Variants in CFAP96 observed in about 807,000 individuals in gnomAD.
CFAP96 encodes cilia and flagella associated protein 96, also known as cilia-and flagella-associated protein 96.
chr4:185,435,417 A>G, the CFAP96 span, among the ~76,000 whole-genome samples: 1 of 152,230 alleles, frequency 6.6e-6, no homozygotes, highest in Non-Finnish European at 1.5e-5. Context: ...CTTAAGAATT[A>G]GAGACTATGA....
the CFAP96 span, among the ~76,000 whole-genome samples, chr4:185,409,630 G>A: frequency 5.3e-5 from 8 of 152,200 alleles, no homozygotes; most frequent in Admixed American, 4.6e-4. Flanking sequence ...GTGACAGGCT[G>A]AAAAGTGGCT....
chr4:185,434,514 C>A, the CFAP96 span, among the ~76,000 whole-genome samples: 1 of 152,072 alleles, frequency 6.6e-6, no homozygotes, highest in Non-Finnish European at 1.5e-5. Context: ...TACCTTGATA[C>A]ATTAGTTTAT....
At chr4:185,439,747 CATATCTCATATATACATATATGTATCT>C in the CFAP96 span, among the ~76,000 whole-genome samples, 1 of 148,276 alleles carries the variant, frequency 6.7e-6, no homozygotes, top group Non-Finnish European at 1.5e-5. Context: ...ATAATATATA[CATATCTCATATATACATATATGTATCT>C]ATATCTCATA....
the CFAP96 span, among the ~76,000 whole-genome samples, chr4:185,423,607 T>C: frequency 1.3e-5 from 2 of 152,196 alleles, no homozygotes; most frequent in Non-Finnish European, 1.5e-5. Context: ...AATCATGTTT[T>C]TGCTGAAAAT....
the CFAP96 span, chr4:185,445,118 T>G: frequency 3.2e-6 from 5 of 1,551,406 alleles, no homozygotes; most frequent in Non-Finnish European, 4.4e-6. Flanking sequence ...ATAATGACTT[T>G]GAATGTCAGA....
the CFAP96 span, among the ~76,000 whole-genome samples, chr4:185,416,600 CGT>C: frequency 0.051 from 7,805 of 152,070 alleles, 246 homozygotes; most frequent in South Asian, 0.088. Flanking sequence ...TAAAAATGAA[CGT>C]GTTATGTGTG....
At chr4:185,437,012 C>G in the CFAP96 span, among the ~76,000 whole-genome samples, 1 of 152,090 alleles carries the variant, frequency 6.6e-6, no homozygotes, top group Non-Finnish European at 1.5e-5. Flanking sequence ...TATCCTGACC[C>G]TTAGCCATAT....
At chr4:185,428,577 CAACAACA>C in the CFAP96 span, among the ~76,000 whole-genome samples, 23 of 6,086 alleles carry the variant, frequency 3.8e-3, no homozygotes, top group South Asian at 0.024. Flanking sequence ...AAAACAACAA[CAACAACA>C]AAAAAAAAAG....
the CFAP96 span, chr4:185,426,250 G>A: frequency 3.5e-5 from 8 of 228,378 alleles, no homozygotes; most frequent in Non-Finnish European, 6.2e-5. Flanking sequence ...GTGGTGGAAC[G>A]TGCAGAGGCG....
chr4:185,448,166 G>A, the CFAP96 span, among the ~76,000 whole-genome samples: 10 of 152,006 alleles, frequency 6.6e-5, no homozygotes, highest in South Asian at 2.1e-4. Flanking sequence ...TATTACAGGC[G>A]CCCACCACCA....
the CFAP96 span, chr4:185,425,776 A>T: frequency 1.3e-6 from 2 of 1,547,692 alleles, no homozygotes; most frequent in Admixed American, 3.9e-5. Context: ...CGGCAGGACC[A>T]GCTCCTTTCA....
At chr4:185,442,289 C>T in the CFAP96 span, among the ~76,000 whole-genome samples, 1 of 151,990 alleles carries the variant, frequency 6.6e-6, no homozygotes, top group Non-Finnish European at 1.5e-5. Flanking sequence ...GATATATTAA[C>T]ATATTTATAA....
At chr4:185,436,264 T>C in the CFAP96 span, 1 of 1,548,598 alleles carries the variant, frequency 6.5e-7, no homozygotes, top group African/African-American at 1.4e-5. Context: ...AAGTCACCAT[T>C]ACTTACTTTG....
chr4:185,444,966 T>C, the CFAP96 span: 1 of 1,547,808 alleles, frequency 6.5e-7, no homozygotes, highest in Non-Finnish European at 8.7e-7. Context: ...CTTCGCAGCC[T>C]GGTGGAATGA....
the CFAP96 span, among the ~76,000 whole-genome samples, chr4:185,440,074 A>G: frequency 5.4e-4 from 82 of 150,554 alleles, no homozygotes; most frequent in African/African-American, 2.0e-3. Context: ...TCTCATATAT[A>G]CATATAAAAT....
the CFAP96 span, among the ~76,000 whole-genome samples, chr4:185,444,144 G>A: frequency 1.3e-5 from 2 of 149,250 alleles, no homozygotes; most frequent in South Asian, 2.2e-4. Flanking sequence ...TAGTAGAGAC[G>A]GGGTTTCACC....
At chr4:185,438,421 T>C in the CFAP96 span, among the ~76,000 whole-genome samples, 1 of 152,208 alleles carries the variant, frequency 6.6e-6, no homozygotes, top group South Asian at 2.1e-4. Context: ...TTTTGCTCTC[T>C]AGAAGTTTGA....
chr4:185,436,507 C>T, the CFAP96 span: 11 of 544,592 alleles, frequency 2.0e-5, no homozygotes, highest in African/African-American at 3.8e-5. Context: ...GTCAGGAGTT[C>T]GAGACCAGCC....
At chr4:185,448,922 T>C in the CFAP96 span, among the ~76,000 whole-genome samples, 1 of 152,138 alleles carries the variant, frequency 6.6e-6, no homozygotes, top group Admixed American at 6.5e-5. Context: ...AAAATCTGAA[T>C]TTTATCTTCC....
Sources: allele counts gnomAD v4.1 joint callset (sites outside exome capture counted in the v4.1 genomes callset), GRCh38; gene constraint gnomAD v4.1.1; transcripts MANE v1.5; gene names NCBI Gene and HGNC (gene_info 2026-07-23, HGNC 2026-07-21).